Variants in OR3A3 observed in about 807,000 individuals in gnomAD.
OR3A3 encodes the protein olfactory receptor 3A3.
For synonymous variants in OR3A3, 103 were observed against 163.9 expected (o/e 0.63, Z 2.84); for missense variants, 275 against 391.4 (o/e 0.70, Z 2.51).
At chr17:3,411,811 C>T (rs565829185) in intron 1 of OR3A3, among the ~76,000 whole-genome samples, 167 bp from the exon 2 acceptor site, 5 of 152,172 alleles carry the variant, frequency 3.3e-5, no homozygotes, top group Non-Finnish European at 7.4e-5. Flanking sequence ...TAAGCAGAGC[C>T]GACATCATCT....
chr17:3,415,798 AATT>A (rs71153352), intron 2 of OR3A3, among the ~76,000 whole-genome samples: 8,372 of 90,318 alleles, frequency 0.093, 281 homozygotes, highest in African/African-American at 0.11. Context: ...CTTATTTTTA[AATT>A]ATTATTATTA....
intron 2 of OR3A3, among the ~76,000 whole-genome samples, chr17:3,418,966 AG>A (rs1296935956): frequency 2.0e-5 from 3 of 152,224 alleles, no homozygotes; most frequent in African/African-American, 7.2e-5. Context: ...ATGAAGGACA[AG>A]TAGAAGACCA....
At chr17:3,414,891 T>C (rs1361930500) in intron 2 of OR3A3, among the ~76,000 whole-genome samples, 1 of 148,294 alleles carries the variant, frequency 6.7e-6, no homozygotes, top group Non-Finnish European at 1.5e-5. Flanking sequence ...TCATAAAAAG[T>C]ATATTAATAA....
chr17:3,420,452 G>T, intron 2 of OR3A3, 128 bp from the exon 3 acceptor site: 1 of 1,472,152 alleles, frequency 6.8e-7, no homozygotes, highest in Non-Finnish European at 9.2e-7. Flanking sequence ...CAAGGTAAAG[G>T]CATTGAGGTG....
intron 2 of OR3A3, among the ~76,000 whole-genome samples, chr17:3,414,167 G>A (rs1205721662): frequency 1.3e-5 from 2 of 152,126 alleles, no homozygotes; most frequent in Non-Finnish European, 2.9e-5. Flanking sequence ...CACCTCCCGG[G>A]TTCAAGCGAT....
At chr17:3,423,052 A>T (rs1427029479) in exon 3 of OR3A3, 4 of 152,204 alleles carry the variant, frequency 2.6e-5, no homozygotes, top group Non-Finnish European at 5.9e-5. Context: ...CCTTAAGGGC[A>T]AAGTTCTTGT....
exon 3 of OR3A3, chr17:3,421,257 G>T (rs1358901641): frequency 3.7e-6 from 6 of 1,614,188 alleles, no homozygotes; most frequent in Non-Finnish European, 3.4e-6. Flanking sequence ...ATGCCCATGT[G>T]GTAGCTGCTG....
chr17:3,415,104 TACC>T (rs1201927516), intron 2 of OR3A3, among the ~76,000 whole-genome samples: 8 of 152,156 alleles, frequency 5.3e-5, no homozygotes, highest in Admixed American at 1.3e-4. Flanking sequence ...CTGAATATCT[TACC>T]ACAAGAATTT....
At chr17:3,421,019 G>C in exon 3 of OR3A3, 1 of 1,614,076 alleles carries the variant, frequency 6.2e-7, no homozygotes, top group Non-Finnish European at 8.5e-7. Context: ...ACAGTCCAGA[G>C]GATGTTGGTG....
At chr17:3,415,871 C>T (rs889580281) in intron 2 of OR3A3, among the ~76,000 whole-genome samples, 12 of 148,514 alleles carry the variant, frequency 8.1e-5, no homozygotes, top group Non-Finnish European at 1.8e-4. Flanking sequence ...TGAAGGGGCA[C>T]GATCTTGGCT....
chr17:3,418,967 G>C (rs1721798195), intron 2 of OR3A3, among the ~76,000 whole-genome samples: 1 of 152,174 alleles, frequency 6.6e-6, no homozygotes, highest in African/African-American at 2.4e-5. Context: ...TGAAGGACAA[G>C]TAGAAGACCA....
intron 2 of OR3A3, among the ~76,000 whole-genome samples, chr17:3,416,327 A>G (rs1567583336): frequency 6.6e-6 from 1 of 152,122 alleles, no homozygotes; most frequent in East Asian, 1.9e-4. Flanking sequence ...CCAAATCCCA[A>G]ATACTTATGG....
In OR3A3 at chr17:3,421,227, G is replaced by T. The variant is rs1304509520; in HGVS notation, c.642G>T (p.Leu214Phe). ...CAGCCTTCATGGCTGTGGCACCCTT[G>T]GTCTTCATCAGTGTGTCCTATGCCC... Residue 214 changes from leucine to phenylalanine, a missense_variant, in exon 3 of 3, where the codon TTG becomes TTT. Coordinates refer to ENST00000641141, the Ensembl canonical transcript of OR3A3. 6 of 1,614,044 alleles carry T rather than the reference G, an allele frequency of 3.7e-6. No homozygotes were observed. Among genetic ancestry groups the T allele is most frequent in the Non-Finnish European group, 5.1e-6 (6 of 1,180,046 alleles).
intron 2 of OR3A3, among the ~76,000 whole-genome samples, chr17:3,412,628 A>G (rs1030739794): frequency 6.7e-6 from 1 of 149,008 alleles, no homozygotes; most frequent in Non-Finnish European, 1.5e-5. Context: ...GGGTGACCTG[A>G]GGTCATCCCA....
intron 2 of OR3A3, among the ~76,000 whole-genome samples, chr17:3,419,956 A>T (rs2072418198): frequency 6.6e-6 from 1 of 151,744 alleles, no homozygotes; most frequent in Non-Finnish European, 1.5e-5. Flanking sequence ...TTTAGTAGAG[A>T]CGGGGTTTCG....
intron 2 of OR3A3, among the ~76,000 whole-genome samples, chr17:3,415,008 CAG>C (rs1336434766): frequency 2.0e-5 from 3 of 152,092 alleles, no homozygotes; most frequent in Admixed American, 1.3e-4. Flanking sequence ...TGCAATAGCT[CAG>C]AGTTTCCTTC....
exon 2 of OR3A3, chr17:3,411,986 G>A (rs1387980242): frequency 5.3e-5 from 8 of 151,912 alleles, no homozygotes; most frequent in Admixed American, 2.6e-4. Context: ...AGGAGAGCCA[G>A]TTTCTGAGTG....
At chr17:3,419,975 GC>G (rs1232047436) in intron 2 of OR3A3, among the ~76,000 whole-genome samples, 1 of 152,058 alleles carries the variant, frequency 6.6e-6, no homozygotes, top group Admixed American at 6.5e-5. Context: ...CGCTGTGTTA[GC>G]CAGGATGGTC....
exon 3 of OR3A3, chr17:3,421,340 G>T: frequency 1.2e-6 from 2 of 1,614,256 alleles, no homozygotes; most frequent in Non-Finnish European, 1.7e-6. Flanking sequence ...ACTGTGGTGG[G>T]CATCTTCTAT....
Sources: allele counts gnomAD v4.1 joint callset (sites outside exome capture counted in the v4.1 genomes callset), GRCh38; gene constraint gnomAD v4.1.1; transcripts MANE v1.5; gene names NCBI Gene and HGNC (gene_info 2026-07-23, HGNC 2026-07-21).